Variants in PHF21A observed in about 807,000 individuals in gnomAD.
PHF21A encodes PHD finger protein 21A.
Under a neutral mutation model 82.5 loss-of-function variants are expected in PHF21A, and 11 were observed. That is an observed-to-expected ratio of 0.13 (90% confidence interval 0.08 to 0.22). The LOEUF (loss-of-function observed/expected upper bound fraction) is 0.22, where lower values mean the gene tolerates loss of function less well. Ranked by LOEUF, PHF21A falls within the 10% of genes least tolerant of loss-of-function variation. The pLI is 1.00. For synonymous variants in PHF21A, 297 were observed against 302.8 expected, an observed-to-expected ratio of 0.98 and a Z score of 0.20; for missense variants, 579 against 837.8, an observed-to-expected ratio of 0.69 and a Z score of 3.81.
At chr11:46,011,834 C>T (rs1045998973) in intron 6 of PHF21A, among the ~76,000 whole-genome samples, 7 of 152,200 alleles carry the variant, frequency 4.6e-5, no homozygotes, top group Non-Finnish European at 7.4e-5. Flanking sequence ...CTCTTACCTT[C>T]TTTTTATTCT....
chr11:45,946,203 A>T, intron 14 of PHF21A, 200 bp from the exon 15 acceptor site: 1 of 1,185,716 alleles, frequency 8.4e-7, no homozygotes, highest in South Asian at 1.3e-5. Context: ...CAACTATATG[A>T]CTCTCAAGAG....
At chr11:45,962,531 C>T (rs1312545188) in intron 10 of PHF21A, among the ~76,000 whole-genome samples, 1 of 152,046 alleles carries the variant, frequency 6.6e-6, no homozygotes, top group East Asian at 1.9e-4. Flanking sequence ...ACCTCTAAGA[C>T]TATTATGCCA....
At chr11:46,068,245 T>C (rs2096617576) in intron 6 of PHF21A, among the ~76,000 whole-genome samples, 1 of 152,122 alleles carries the variant, frequency 6.6e-6, no homozygotes, top group Non-Finnish European at 1.5e-5. Flanking sequence ...ATCATGCCTT[T>C]CACCAGAGTA....
At chr11:46,092,161 T>C (rs1479779625) in intron 2 of PHF21A, 22 bp downstream of exon 2, 3 of 151,740 alleles carry the variant, frequency 2.0e-5, no homozygotes, top group Non-Finnish European at 4.4e-5. Context: ...GCACACGATG[T>C]CTACCTAGTC....
chr11:46,116,786 T>C (rs1230559320), intron 1 of PHF21A: 2 of 152,036 alleles, frequency 1.3e-5, no homozygotes, highest in Admixed American at 6.6e-5. Flanking sequence ...AACATGGTGA[T>C]ACCCCGTCTC....
chr11:45,943,121 C>CTTTTTT (rs3061870), intron 15 of PHF21A, among the ~76,000 whole-genome samples: 6 of 112,118 alleles, frequency 5.4e-5, no homozygotes, highest in African/African-American at 6.8e-5. Context: ...TCTTTCTTTC[C>CTTTTTT]TTTTTTTTTT....
chr11:45,982,840 A>C (rs1290757621), intron 6 of PHF21A, among the ~76,000 whole-genome samples: 1 of 152,208 alleles, frequency 6.6e-6, no homozygotes, highest in Non-Finnish European at 1.5e-5. Flanking sequence ...GGAGGAAATA[A>C]TACAACATAA....
At chr11:46,087,990 A>G (rs2096876585) in intron 3 of PHF21A, among the ~76,000 whole-genome samples, 1 of 152,086 alleles carries the variant, frequency 6.6e-6, no homozygotes, top group Non-Finnish European at 1.5e-5. Flanking sequence ...CTCCTGGGCT[A>G]AAGTGACCCA....
chr11:45,977,180 C>T (rs1026936280), intron 7 of PHF21A, among the ~76,000 whole-genome samples: 1 of 148,496 alleles, frequency 6.7e-6, no homozygotes, highest in African/African-American at 2.5e-5. Flanking sequence ...TGCTCTGTCG[C>T]CCAGCATGGA....
chr11:45,984,673 A>G (rs752524844), intron 6 of PHF21A, among the ~76,000 whole-genome samples: 18 of 152,258 alleles, frequency 1.2e-4, no homozygotes, highest in Non-Finnish European at 2.1e-4. Flanking sequence ...CCCCCACCCA[A>G]TCAACCCACC....
At chr11:46,002,256 T>C in intron 6 of PHF21A, among the ~76,000 whole-genome samples, 1 of 152,190 alleles carries the variant, frequency 6.6e-6, no homozygotes, top group East Asian at 1.9e-4. Flanking sequence ...TAATGGTGGG[T>C]TGAGCTCCTT....
intron 1 of PHF21A, among the ~76,000 whole-genome samples, chr11:46,092,803 G>A (rs137963804): frequency 6.0e-4 from 84 of 140,408 alleles, no homozygotes; most frequent in Non-Finnish European, 1.1e-3. Context: ...TGTTGTCCAG[G>A]CTCAAGTGCA....
At chr11:45,967,087 G>A (rs1484730887) in intron 9 of PHF21A, among the ~76,000 whole-genome samples, 1 of 152,104 alleles carries the variant, frequency 6.6e-6, no homozygotes, top group Non-Finnish European at 1.5e-5. Context: ...ACCCTTTCCT[G>A]GCCGGGCACA....
intron 10 of PHF21A, among the ~76,000 whole-genome samples, chr11:45,963,285 T>C (rs1002221244): frequency 2.6e-5 from 4 of 151,756 alleles, no homozygotes; most frequent in Admixed American, 6.6e-5. Context: ...CCGGGTGAGA[T>C]GGCGGGCACC....
chr11:46,005,496 A>C (rs2095273803), intron 6 of PHF21A, among the ~76,000 whole-genome samples: 1 of 152,212 alleles, frequency 6.6e-6, no homozygotes, highest in Non-Finnish European at 1.5e-5. Context: ...ATATTAACTT[A>C]ATTAATGGGC....
intron 1 of PHF21A, among the ~76,000 whole-genome samples, chr11:46,111,380 G>A (rs2097212410): frequency 6.6e-6 from 1 of 151,932 alleles, no homozygotes; most frequent in South Asian, 2.1e-4. Context: ...TGAGGCATGA[G>A]AACTGCTGGA....
chr11:45,954,954 T>C (rs1231180657), intron 10 of PHF21A, among the ~76,000 whole-genome samples: 1 of 152,210 alleles, frequency 6.6e-6, no homozygotes, highest in Non-Finnish European at 1.5e-5. Context: ...ATCTTTGATT[T>C]TCTTTCCTGG....
At chr11:45,989,984 C>A (rs940851742) in intron 6 of PHF21A, among the ~76,000 whole-genome samples, 2 of 151,812 alleles carry the variant, frequency 1.3e-5, no homozygotes, top group African/African-American at 4.8e-5. Flanking sequence ...AGAGTGAGAC[C>A]CTGACTCAAA....
chr11:46,087,762 A>C (rs186594415), intron 3 of PHF21A, among the ~76,000 whole-genome samples: 1 of 152,018 alleles, frequency 6.6e-6, no homozygotes, highest in East Asian at 1.9e-4. Flanking sequence ...ATTTTGAAAA[A>C]ATTTTTTTCC....
Sources: gnomAD v4.1 joint callset for allele counts (sites outside exome capture counted in the v4.1 genomes callset) on GRCh38, gnomAD v4.1.1 for gene constraint, MANE v1.5 for transcripts, NCBI Gene and HGNC (gene_info 2026-07-23, HGNC 2026-07-21) for gene names.